CLPTM1L: variants seen among roughly 807,000 people sequenced by gnomAD.
CLPTM1L encodes lipid scramblase CLPTM1L.
CLPTM1L carries 38 observed loss-of-function variants against 70.9 expected under a neutral mutation model. The observed-to-expected ratio is 0.54, with a 90% CI of 0.41 to 0.70. The LOEUF (loss-of-function observed/expected upper bound fraction) is 0.70. Among genes scored for constraint, CLPTM1L ranks in the 30% least tolerant of loss-of-function variants. CLPTM1L has a pLI of 0.00. For synonymous variants in CLPTM1L, 339 were observed against 299.9 expected, an observed-to-expected ratio of 1.13 and a Z score of -1.35; for missense variants, 652 against 705.9, an observed-to-expected ratio of 0.92 and a Z score of 0.87.
intron 12 of CLPTM1L, among the ~76,000 whole-genome samples, chr5:1,323,285 G>A (rs1752277500): frequency 1.5e-5 from 2 of 131,094 alleles, no homozygotes; most frequent in Admixed American, 7.7e-5. Context: ...GGCAGCAGAG[G>A]CTGGAGGCTC....
At chr5:1,325,043 G>A in intron 10 of CLPTM1L, 1 of 594,062 alleles carries the variant, frequency 1.7e-6, no homozygotes, top group East Asian at 2.8e-5. Context: ...GGGCAACGCG[G>A]CCTCACTGCT....
intron 7 of CLPTM1L, among the ~76,000 whole-genome samples, chr5:1,333,957 A>G (rs1259903294): frequency 6.6e-6 from 1 of 152,188 alleles, no homozygotes; most frequent in African/African-American, 2.4e-5. Flanking sequence ...GGAGAGTGAG[A>G]TGCCTGCACC....
intron 3 of CLPTM1L, among the ~76,000 whole-genome samples, chr5:1,340,019 C>T (rs1197415850): frequency 6.6e-6 from 1 of 152,256 alleles, no homozygotes; most frequent in East Asian, 1.9e-4. Context: ...CGGGGGAGAG[C>T]CCAGCAGAGA....
chr5:1,321,877 C>T (rs1289761063), intron 13 of CLPTM1L, 58 bp from the exon 14 acceptor site: 1 of 1,506,156 alleles, frequency 6.6e-7, no homozygotes, highest in African/African-American at 1.4e-5. Flanking sequence ...CACATCTACG[C>T]ACAGACGGCA....
intron 11 of CLPTM1L, 158 bp from the exon 12 acceptor site, chr5:1,324,027 G>A (rs914054050): frequency 2.4e-5 from 15 of 636,014 alleles, no homozygotes; most frequent in Non-Finnish European, 4.0e-5. Context: ...GGCACAGGCA[G>A]GGCATCGCAC....
intron 12 of CLPTM1L, among the ~76,000 whole-genome samples, chr5:1,323,331 TGGGCAACAGA>T (rs1490552970): frequency 8.2e-6 from 1 of 121,820 alleles, no homozygotes; most frequent in Non-Finnish European, 1.9e-5. Context: ...GCAGCCCACC[TGGGCAACAGA>T]GGCTGGGGGC....
At chr5:1,334,208 A>T in intron 7 of CLPTM1L, 81 bp downstream of exon 7, 2 of 987,788 alleles carry the variant, frequency 2.0e-6, no homozygotes, top group Admixed American at 2.1e-5. Context: ...CACAAACCCC[A>T]GGTCCAGGAC....
chr5:1,324,098 A>G, intron 11 of CLPTM1L: 1 of 561,528 alleles, frequency 1.8e-6, no homozygotes. Flanking sequence ...TACAGGCGCT[A>G]GTTAACAATA....
intron 10 of CLPTM1L, 148 bp downstream of exon 10, chr5:1,325,603 A>G: frequency 2.9e-6 from 2 of 691,878 alleles, no homozygotes; most frequent in South Asian, 3.4e-5. Flanking sequence ...GGCTGCGATC[A>G]GAAACCAGTG....
intron 6 of CLPTM1L, among the ~76,000 whole-genome samples, chr5:1,334,621 G>A (rs1374648480): frequency 1.3e-5 from 2 of 152,024 alleles, no homozygotes; most frequent in Admixed American, 6.6e-5. Context: ...GGGCGTGGGG[G>A]CACGCGCCTG....
At chr5:1,330,793 AAC>A (rs1753039163) in intron 8 of CLPTM1L, 1 of 168,834 alleles carries the variant, frequency 5.9e-6, no homozygotes, top group African/African-American at 2.4e-5. Context: ...CAGCTTATTC[AAC>A]ACGTCTTCCT....
At chr5:1,337,090 G>T (rs1471174155) in intron 5 of CLPTM1L, among the ~76,000 whole-genome samples, 1 of 152,208 alleles carries the variant, frequency 6.6e-6, no homozygotes, top group Non-Finnish European at 1.5e-5. Context: ...GAGTGACAGT[G>T]ATGGCTTGCA....
At chr5:1,336,047 C>CA (rs951106599) in intron 5 of CLPTM1L, among the ~76,000 whole-genome samples, 3 of 152,366 alleles carry the variant, frequency 2.0e-5, no homozygotes, top group Admixed American at 1.3e-4. Context: ...GTGGTGGAAT[C>CA]AGAGCCACAA....
intron 2 of CLPTM1L, 67 bp downstream of exon 2, chr5:1,344,283 TA>T: frequency 1.8e-6 from 2 of 1,083,314 alleles, no homozygotes; most frequent in Non-Finnish European, 2.8e-6. Context: ...TACAGAAAGC[TA>T]ACTTTTAAAC....
At chr5:1,344,540 T>C (rs1474462882) in intron 1 of CLPTM1L, 89 bp from the exon 2 acceptor site, 29 of 1,481,850 alleles carry the variant, frequency 2.0e-5, no homozygotes, top group Non-Finnish European at 2.6e-5. Flanking sequence ...GCGGAAGACC[T>C]GGCCGCTGGG....
intron 3 of CLPTM1L, 58 bp downstream of exon 3, chr5:1,341,613 C>T: frequency 1.4e-6 from 2 of 1,441,376 alleles, no homozygotes; most frequent in Non-Finnish European, 1.9e-6. Context: ...TGGAGAAAGA[C>T]ATGTCCGTTC....
intron 8 of CLPTM1L, chr5:1,331,006 C>G (rs1279949350): frequency 6.5e-6 from 1 of 152,714 alleles, no homozygotes; most frequent in Non-Finnish European, 1.5e-5. Context: ...CTTTTCCATG[C>G]GAGAAAAACA....
At position 1,331,866 on chromosome 5, in the gene CLPTM1L, C is replaced by G. The variant is rs1433150323; in HGVS notation, c.909G>C (p.Leu303=). Residue 303 remains leucine, a synonymous_variant, in exon 8 of 17, where the codon CTG becomes CTC. Transcript: ENST00000320895. The part of the protein sequence containing the change: ...VAAFHLLFDF[L]AFKNDISFWK... ...AGAAACTGATGTCATTTTTAAAGGCCAGGAAATCAAAGAGAAGCTAGAGAG... is the reference window on the plus strand; with the variant it reads ...AGAAACTGATGTCATTTTTAAAGGCGAGGAAATCAAAGAGAAGCTAGAGAG... 1 of 1,613,262 alleles carries G rather than the reference C, an allele frequency of 6.2e-7. No individual in the cohort carries two copies. Among genetic ancestry groups the G allele is most frequent in the Non-Finnish European group, 8.5e-7 (1 of 1,179,950 alleles).
rs539287246 is a variant in CLPTM1L, at chr5:1,340,110, G to A, written c.454-1105C>T. On this transcript the variant is annotated intron_variant, in intron 3 of 16. Coordinates refer to ENST00000320895, the MANE Select transcript of CLPTM1L (RefSeq NM_030782.5). ...CATCCTTATCTCCACGGAAGCCAGG[G>A]GGTGCTGCTTTGCAACATGTGGTCA... 7.2e-5 allele frequency among the ~76,000 whole-genome samples: 11 copies of A among 152,346 alleles called. No homozygotes were observed. The East Asian group carries it at 1.7e-3, about 24-fold the overall frequency.
Sources: allele counts gnomAD v4.1 joint callset (sites outside exome capture counted in the v4.1 genomes callset), GRCh38; gene constraint gnomAD v4.1.1; transcripts MANE v1.5; gene names NCBI Gene and HGNC (gene_info 2026-07-23, HGNC 2026-07-21).